ZNF536: variants seen among roughly 807,000 people sequenced by gnomAD.
The protein encoded by ZNF536 is zinc finger protein 536.
Under a neutral mutation model 84.5 loss-of-function variants are expected in ZNF536, and 13 were observed. That is an observed-to-expected ratio of 0.15 (90% CI 0.10 to 0.24). ZNF536 has a LOEUF of 0.24. Among genes scored for constraint, ZNF536 ranks in the 10% least tolerant of loss-of-function variants. The probability of loss-of-function intolerance (pLI) is 1.00; values close to 1 mark genes in which losing one functional copy is unlikely to be tolerated. For synonymous variants in ZNF536, 811 were observed against 742.5 expected, an observed-to-expected ratio of 1.09 and a Z score of -1.50; for missense variants, 1,536 against 1,747.5, an observed-to-expected ratio of 0.88 and a Z score of 2.16.
intron 2 of ZNF536, among the ~76,000 whole-genome samples, chr19:30,457,056 A>AG (rs1555771667): frequency 1.3e-5 from 2 of 150,640 alleles, no homozygotes; most frequent in Non-Finnish European, 3.0e-5. Flanking sequence ...AAAAAAAAAA[A>AG]CAAAAAAAAA....
intron 2 of ZNF536, among the ~76,000 whole-genome samples, chr19:30,319,567 C>T (rs2046791168): frequency 6.6e-6 from 1 of 152,180 alleles, no homozygotes. Context: ...ATTCAGTTTG[C>T]AAATTGCAGG....
At chr19:30,641,353 C>G (rs1470011696) in intron 1 of ZNF536, among the ~76,000 whole-genome samples, 1 of 152,206 alleles carries the variant, frequency 6.6e-6, no homozygotes, top group Non-Finnish European at 1.5e-5. Flanking sequence ...TAGTTTATCT[C>G]CTTTCAGCTT....
upstream of ZNF536, among the ~76,000 whole-genome samples, chr19:30,371,794 T>C (rs894343571): frequency 1.3e-5 from 2 of 150,900 alleles, no homozygotes; most frequent in African/African-American, 4.9e-5. Context: ...TAAATGCATA[T>C]ATAGAGAATA....
intron 2 of ZNF536, among the ~76,000 whole-genome samples, chr19:30,350,077 C>T (rs1001592029): frequency 1.3e-5 from 2 of 151,960 alleles, no homozygotes; most frequent in Admixed American, 6.6e-5. Context: ...TGGTGTCTGC[C>T]GGACAATCTC....
At chr19:30,274,697 A>G (rs185809927) in intron 1 of ZNF536, among the ~76,000 whole-genome samples, 1 of 152,232 alleles carries the variant, frequency 6.6e-6, no homozygotes, top group East Asian at 1.9e-4. Flanking sequence ...TGTATAGACC[A>G]TTTCGTCACC....
intron 1 of ZNF536, among the ~76,000 whole-genome samples, chr19:30,580,120 C>T (rs1452760120): frequency 6.6e-6 from 1 of 152,200 alleles, no homozygotes; most frequent in African/African-American, 2.4e-5. Flanking sequence ...TGCTCTCTTG[C>T]CCTCAGGGGA....
chr19:30,662,646 C>G (rs1253372677), intron 1 of ZNF536, among the ~76,000 whole-genome samples: 1 of 151,934 alleles, frequency 6.6e-6, no homozygotes, highest in Non-Finnish European at 1.5e-5. Context: ...GTTTTTCTCT[C>G]TTATTTTTCA....
At chr19:30,688,877 T>G (rs147485169) in intron 1 of ZNF536, among the ~76,000 whole-genome samples, 1 of 152,310 alleles carries the variant, frequency 6.6e-6, no homozygotes, top group African/African-American at 2.4e-5. Flanking sequence ...CTGGTAGCGC[T>G]CTGGGCTGGA....
At chr19:30,605,954 C>T (rs2047853711) in intron 1 of ZNF536, among the ~76,000 whole-genome samples, 1 of 151,830 alleles carries the variant, frequency 6.6e-6, no homozygotes, top group South Asian at 2.1e-4. Context: ...TTTGAAAAGC[C>T]TGGAGTTAGA....
At chr19:30,294,549 A>ATGTGTGTGTG (rs55972417) in intron 2 of ZNF536, among the ~76,000 whole-genome samples, 84 of 145,594 alleles carry the variant, frequency 5.8e-4, no homozygotes, top group African/African-American at 1.3e-3. Flanking sequence ...AGGCCCCAAT[A>ATGTGTGTGTG]TGTGTGTGTG....
At chr19:30,609,133 T>C (rs1413709100) in intron 1 of ZNF536, among the ~76,000 whole-genome samples, 1 of 152,246 alleles carries the variant, frequency 6.6e-6, no homozygotes, top group African/African-American at 2.4e-5. Context: ...GCTCTCCATG[T>C]ACATAGTGCA....
chr19:30,290,613 G>T (rs1270007780), intron 2 of ZNF536, among the ~76,000 whole-genome samples: 1 of 152,084 alleles, frequency 6.6e-6, no homozygotes, highest in Non-Finnish European at 1.5e-5. Flanking sequence ...AGACACTTGG[G>T]CTGCTTCCAC....
chr19:30,562,088 G>A (rs2046190193), downstream of ZNF536, among the ~76,000 whole-genome samples: 1 of 152,180 alleles, frequency 6.6e-6, no homozygotes, highest in Admixed American at 6.5e-5. Context: ...ATGTTCCAAG[G>A]AGCTTAGATA....
intron 2 of ZNF536, among the ~76,000 whole-genome samples, chr19:30,286,231 A>T (rs1481787690): frequency 2.0e-5 from 3 of 152,226 alleles, no homozygotes; most frequent in African/African-American, 7.2e-5. Flanking sequence ...ACATTATTGT[A>T]GTGCGGGCGA....
chr19:30,503,699 C>T (rs1201336636), intron 2 of ZNF536, among the ~76,000 whole-genome samples: 1 of 152,190 alleles, frequency 6.6e-6, no homozygotes, highest in Non-Finnish European at 1.5e-5. Context: ...TGGGGTCAAG[C>T]CCTCGTGGGA....
chr19:30,621,147 C>T (rs1317082961), intron 1 of ZNF536, among the ~76,000 whole-genome samples: 2 of 151,988 alleles, frequency 1.3e-5, no homozygotes, highest in African/African-American at 4.8e-5. Context: ...ATCTAACATA[C>T]TTGCTTGGCA....
chr19:30,608,801 C>T (rs2047988919), intron 1 of ZNF536, among the ~76,000 whole-genome samples: 2 of 152,294 alleles, frequency 1.3e-5, no homozygotes, highest in Admixed American at 1.3e-4. Context: ...AGATATAGGA[C>T]TTTCACTCTC....
At chr19:30,538,143 C>T (rs565020049) in intron 3 of ZNF536, among the ~76,000 whole-genome samples, 1 of 152,312 alleles carries the variant, frequency 6.6e-6, no homozygotes, top group East Asian at 1.9e-4. Context: ...GCCCTGACTG[C>T]CTCTCTTTTG....
intron 1 of ZNF536, among the ~76,000 whole-genome samples, chr19:30,388,899 C>A (rs923754960): frequency 1.3e-5 from 2 of 152,260 alleles, no homozygotes; most frequent in Middle Eastern, 3.4e-3. Flanking sequence ...CTGGCAATGG[C>A]CATTTATGTA....
Sources: gnomAD v4.1 joint callset for allele counts (sites outside exome capture counted in the v4.1 genomes callset) on GRCh38, gnomAD v4.1.1 for gene constraint, MANE v1.5 for transcripts, NCBI Gene and HGNC (gene_info 2026-07-23, HGNC 2026-07-21) for gene names.